The following AKR1C8 variants were observed in gnomAD, a reference collection of about 807,000 sequenced individuals.
AKR1C8 encodes aldo-keto reductase family 1 member C8.
the AKR1C8 span, among the ~76,000 whole-genome samples, chr10:5,135,769 G>A: frequency 8.1e-6 from 1 of 122,816 alleles, no homozygotes; most frequent in Non-Finnish European, 1.7e-5. Flanking sequence ...TGATGCTAAA[G>A]GAATGACTAG....
the AKR1C8 span, among the ~76,000 whole-genome samples, chr10:5,182,027 C>G: frequency 6.6e-6 from 1 of 152,012 alleles, no homozygotes; most frequent in Non-Finnish European, 1.5e-5. Flanking sequence ...TAACTTTTCA[C>G]TAAAAAATTA....
chr10:5,123,621 T>C, the AKR1C8 span: 11 of 1,238,822 alleles, frequency 8.9e-6, no homozygotes, highest in Non-Finnish European at 1.2e-5. Flanking sequence ...CCTAACTCAC[T>C]GAGAGTAAAC....
the AKR1C8 span, among the ~76,000 whole-genome samples, chr10:5,180,712 G>C: frequency 7.1e-3 from 1,077 of 152,346 alleles, 2 homozygotes; most frequent in Non-Finnish European, 0.01. Context: ...CCCCCAGCCT[G>C]GCTGTCGCCT....
chr10:5,136,112 C>T, the AKR1C8 span, among the ~76,000 whole-genome samples: 2 of 152,008 alleles, frequency 1.3e-5, no homozygotes, highest in East Asian at 1.9e-4. Context: ...GGTAATGTTC[C>T]AAAAAACTGG....
chr10:5,178,004 C>T, the AKR1C8 span, among the ~76,000 whole-genome samples: 114 of 152,076 alleles, frequency 7.5e-4, no homozygotes, highest in Admixed American at 4.4e-3. Context: ...ATTTTAGTTA[C>T]TTCTTGCCTT....
chr10:5,157,472 T>C, the AKR1C8 span, among the ~76,000 whole-genome samples: 21 of 152,336 alleles, frequency 1.4e-4, no homozygotes, highest in African/African-American at 5.0e-4. Flanking sequence ...CTGAGGACTC[T>C]GAGTTCAGTG....
the AKR1C8 span, among the ~76,000 whole-genome samples, chr10:5,181,175 A>G: frequency 8.4e-3 from 1,272 of 152,316 alleles, 14 homozygotes; most frequent in African/African-American, 0.03. Flanking sequence ...CTTTAACAAT[A>G]TGTATAAAGA....
chr10:5,157,490 G>A, the AKR1C8 span: 92 of 282,190 alleles, frequency 3.3e-4, no homozygotes, highest in East Asian at 1.7e-3. Flanking sequence ...GTGCCCTCTC[G>A]TCGATCCTTC....
the AKR1C8 span, among the ~76,000 whole-genome samples, chr10:5,130,815 G>C: frequency 6.6e-6 from 1 of 151,808 alleles, no homozygotes; most frequent in African/African-American, 2.4e-5. Flanking sequence ...CATGCTTACA[G>C]ATAGAATCAA....
chr10:5,123,900 AAGG>A, the AKR1C8 span: 17 of 1,397,168 alleles, frequency 1.2e-5, no homozygotes, highest in African/African-American at 1.3e-4. Context: ...ATTAAAGTAA[AAGG>A]AGGTGAATAA....
At chr10:5,151,773 T>C in the AKR1C8 span, among the ~76,000 whole-genome samples, 2 of 152,130 alleles carry the variant, frequency 1.3e-5, no homozygotes, top group Admixed American at 1.3e-4. Flanking sequence ...GCCAGGCTGG[T>C]CTTAAACTCC....
At chr10:5,122,290 G>A in the AKR1C8 span, 13 of 197,786 alleles carry the variant, frequency 6.6e-5, no homozygotes, top group Admixed American at 1.2e-4. Context: ...TATCCTCATC[G>A]GCTTCCAGGT....
the AKR1C8 span, among the ~76,000 whole-genome samples, chr10:5,179,154 G>A: frequency 3.3e-5 from 5 of 152,150 alleles, no homozygotes; most frequent in African/African-American, 9.7e-5. Flanking sequence ...TCCTTCAGGA[G>A]CTCTTTTAGG....
the AKR1C8 span, among the ~76,000 whole-genome samples, chr10:5,184,079 T>TATGATA: frequency 6.6e-6 from 1 of 152,188 alleles, no homozygotes; most frequent in Admixed American, 6.5e-5. Flanking sequence ...AGCATCTGAC[T>TATGATA]GCTCCTGGGC....
At chr10:5,177,061 T>C in the AKR1C8 span, among the ~76,000 whole-genome samples, 1 of 152,086 alleles carries the variant, frequency 6.6e-6, no homozygotes, top group African/African-American at 2.4e-5. Context: ...GTGCCAGTTT[T>C]CAAAGGGAAT....
chr10:5,166,987 G>A, the AKR1C8 span, among the ~76,000 whole-genome samples: 117 of 151,116 alleles, frequency 7.7e-4, 1 homozygote, highest in African/African-American at 2.1e-3. Context: ...ATGAAGAGAC[G>A]CTTCTCAAAA....
chr10:5,176,599 C>G, the AKR1C8 span, among the ~76,000 whole-genome samples: 1 of 151,562 alleles, frequency 6.6e-6, no homozygotes, highest in African/African-American at 2.4e-5. Flanking sequence ...ATTGATTCTT[C>G]CTACCCATGA....
chr10:5,184,381 G>C, the AKR1C8 span, among the ~76,000 whole-genome samples: 1 of 152,078 alleles, frequency 6.6e-6, no homozygotes, highest in Non-Finnish European at 1.5e-5. Context: ...CCCTCAAAAT[G>C]AAAGACTACT....
At chr10:5,150,647 T>G in the AKR1C8 span, among the ~76,000 whole-genome samples, 1 of 152,058 alleles carries the variant, frequency 6.6e-6, no homozygotes, top group Non-Finnish European at 1.5e-5. Flanking sequence ...TTTGGAACGT[T>G]TGTCAAATAG....
Sources: allele counts gnomAD v4.1 joint callset (sites outside exome capture counted in the v4.1 genomes callset), GRCh38; gene constraint gnomAD v4.1.1; transcripts MANE v1.5; gene names NCBI Gene and HGNC (gene_info 2026-07-23, HGNC 2026-07-21).